Variants in ARHGAP21 observed in about 807,000 individuals in gnomAD.
ARHGAP21 encodes Rho GTPase activating protein 21, also known as rho GTPase-activating protein 21.
In ARHGAP21, 38 loss-of-function variants were observed where a neutral mutation model predicts 164.6. The ratio of observed to expected loss-of-function variants is 0.23; its 90% CI spans 0.18 to 0.30. The LOEUF (loss-of-function observed/expected upper bound fraction) is 0.30, where lower values mean the gene tolerates loss of function less well. Among genes scored for constraint, ARHGAP21 ranks in the 10% least tolerant of loss-of-function variants. ARHGAP21 has a pLI of 1.00. For synonymous variants in ARHGAP21, 766 were observed against 857.9 expected (o/e 0.89, Z 1.87); for missense variants, 1,822 against 2,370.7 (o/e 0.77, Z 4.81).
intron 2 of ARHGAP21, 36 bp downstream of exon 2, chr10:24,721,801 C>G (rs746639378): frequency 6.2e-7 from 1 of 1,611,194 alleles, no homozygotes; most frequent in East Asian, 2.2e-5. Flanking sequence ...CACAGGCCAC[C>G]GCCCTGCCGG....
chr10:24,670,252 T>C lies in ARHGAP21; in HGVS notation c.209A>G (p.Tyr70Cys). Reference protein sequence around the residue: ...FGFTLRHFIVYPPESAIQFSY... With the variant: ...FGFTLRHFIVCPPESAIQFSY... ...AAATTGAATTGCAGACTCTGGGGGA[T>C]AAACAATAAAATGTCTTAATGTAAA... The change falls in exon 3 of 26, where the codon TAT becomes TGT. Residue 70 changes from tyrosine to cysteine, a missense_variant. Tyr to Cys is a radical substitution (Grantham distance 194). This residue lies in a region of ARHGAP21 where 1,090 missense variants were observed against 1,378.9 expected (regional missense o/e 0.79). Transcript: ENST00000396432. 1.2e-6 allele frequency: 2 copies of C among 1,601,602 alleles called. No individual in the cohort carries two copies. Among genetic ancestry groups the C allele is most frequent in the African/African-American group, 1.3e-5 (1 of 74,714 alleles).
chr10:24,642,841 A>G (rs1170996753), intron 4 of ARHGAP21, among the ~76,000 whole-genome samples: 1 of 152,216 alleles, frequency 6.6e-6, no homozygotes, highest in Non-Finnish European at 1.5e-5. Flanking sequence ...GAGAATATAC[A>G]GGACATGAAA....
chr10:24,648,313 C>A (rs1312935467), intron 4 of ARHGAP21, among the ~76,000 whole-genome samples: 1 of 152,202 alleles, frequency 6.6e-6, no homozygotes, highest in African/African-American at 2.4e-5. Flanking sequence ...GTAGAATTTT[C>A]CAGTAGAGAA....
intron 9 of ARHGAP21, among the ~76,000 whole-genome samples, chr10:24,609,304 TC>T (rs1208742282): frequency 6.6e-6 from 1 of 152,234 alleles, no homozygotes; most frequent in Non-Finnish European, 1.5e-5. Flanking sequence ...TCCCTGGATT[TC>T]CTGATGGTAT....
intron 12 of ARHGAP21, among the ~76,000 whole-genome samples, chr10:24,603,377 G>C (rs2076893878): frequency 6.6e-6 from 1 of 152,206 alleles, no homozygotes; most frequent in African/African-American, 2.4e-5. Context: ...TTTGGAACCT[G>C]AATGTCAGTG....
intron 2 of ARHGAP21, among the ~76,000 whole-genome samples, chr10:24,688,463 G>A (rs1842420110): frequency 6.6e-6 from 1 of 152,134 alleles, no homozygotes; most frequent in African/African-American, 2.4e-5. Context: ...GAGGTTAAAT[G>A]ATTTGCCAAA....
rs2076940648 is a variant in ARHGAP21, at chr10:24,604,387, C to A, written c.2685-39G>T. On this transcript the variant is annotated intron_variant, in intron 11 of 25. Transcript: ENST00000396432. ...AATATATAAATATTTTCAATTAGTG[C>A]AAAAAAAATCTTAAAGATGTAAGAA... The A allele has an allele frequency of 5.0e-6, 7 of 1,387,788 alleles. No homozygotes were observed. In the African/African-American group the frequency reaches 7.3e-5, roughly 15 times the overall value. 86.0% of individuals were successfully genotyped at this position (1,387,788 alleles called of 1,614,324 possible).
intron 2 of ARHGAP21, among the ~76,000 whole-genome samples, chr10:24,709,770 CACA>C (rs144410501): frequency 1.3e-4 from 20 of 148,638 alleles, no homozygotes; most frequent in East Asian, 4.0e-4. Context: ...CAGACAAGGA[CACA>C]ACAACAACAA....
intron 2 of ARHGAP21, among the ~76,000 whole-genome samples, chr10:24,714,534 G>A (rs1845166388): frequency 6.6e-6 from 1 of 152,108 alleles, no homozygotes; most frequent in Non-Finnish European, 1.5e-5. Context: ...GATCCCTGCT[G>A]CTGCTACTGC....
intron 7 of ARHGAP21, among the ~76,000 whole-genome samples, chr10:24,624,854 A>G (rs1442676036): frequency 6.6e-6 from 1 of 152,100 alleles, no homozygotes; most frequent in East Asian, 1.9e-4. Flanking sequence ...TGTGAATTCA[A>G]CAGAATATGA....
At chr10:24,679,830 C>T (rs531310613) in intron 2 of ARHGAP21, among the ~76,000 whole-genome samples, 3 of 152,216 alleles carry the variant, frequency 2.0e-5, no homozygotes, top group Admixed American at 1.3e-4. Flanking sequence ...ATGTGCACAA[C>T]GTGCAGGTTT....
Position 24,620,595 on chromosome 10 carries a change from T to C in ARHGAP21, c.1300A>G (p.Thr434Ala). 3 of 1,614,228 alleles carry C rather than the reference T, an allele frequency of 1.9e-6. No individual in the cohort carries two copies. The highest frequency in any genetic ancestry group is 2.2e-5 in the South Asian group (2 of 91,084). ...DYNQVVPNRT[T>A]LQGRRRSTSH... ...GTGCTTCGACGTCGTCCCTGCAAAGTAGTGCGGTTGGGGACGACCTGGTTA... is the reference window on the plus strand; with the variant it reads ...GTGCTTCGACGTCGTCCCTGCAAAGCAGTGCGGTTGGGGACGACCTGGTTA... Residue 434 changes from threonine (T) to alanine (A), a missense_variant, in exon 9 of 26, where the codon ACT becomes GCT. By Grantham distance (58) the Thr-to-Ala change is moderately conservative. This residue lies in a region of ARHGAP21 where 1,090 missense variants were observed against 1,378.9 expected (regional missense o/e 0.79). Transcript: ENST00000396432.
At chr10:24,671,524 T>G (rs1304819677) in intron 2 of ARHGAP21, among the ~76,000 whole-genome samples, 1 of 152,070 alleles carries the variant, frequency 6.6e-6, no homozygotes, top group Non-Finnish European at 1.5e-5. Context: ...TTCCCCTGCC[T>G]TCCCTTCTGC....
chr10:24,584,813 C>A lies in ARHGAP21; in HGVS notation c.5476G>T (p.Gly1826Trp), dbSNP rs370251256. 9.3e-6 allele frequency: 15 copies of A among 1,613,826 alleles called. No individual in the cohort carries two copies. The Admixed American group carries it at 1.3e-4, about 14-fold the overall frequency. The change falls in exon 26 of 26, where the codon GGG (glycine) becomes TGG (tryptophan). Residue 1826 changes from glycine (G) to tryptophan (W), a missense_variant. By Grantham distance (184) the Gly-to-Trp change is radical (BLOSUM62 -2). Around this residue, in one of 5 missense-constraint regions of ARHGAP21, gnomAD observed 165 missense variants for 176.6 expected, o/e 0.93. Coordinates refer to ENST00000396432, the MANE Select transcript of ARHGAP21 (RefSeq NM_020824.4). ...LNFWKVHEQS[G>W]ERESELSAVN... ...GCTGAAAGTTCAGATTCTCTCTCCCCGCTCTGCTCATGCACTTTCCAAAAA... is the reference window on the plus strand; with the variant it reads ...GCTGAAAGTTCAGATTCTCTCTCCCAGCTCTGCTCATGCACTTTCCAAAAA...
At chr10:24,665,490 T>C (rs937941300) in intron 4 of ARHGAP21, among the ~76,000 whole-genome samples, 1 of 152,262 alleles carries the variant, frequency 6.6e-6, no homozygotes, top group Admixed American at 6.5e-5. Context: ...TCAAAAATAT[T>C]ATGCCTGACA....
chr10:24,655,672 C>A (rs1421685032), intron 4 of ARHGAP21, among the ~76,000 whole-genome samples: 13 of 144,132 alleles, frequency 9.0e-5, no homozygotes, highest in Admixed American at 4.1e-4. Context: ...TGCCTGGCCG[C>A]CCATCGTCTG....
intron 5 of ARHGAP21, among the ~76,000 whole-genome samples, chr10:24,634,281 T>G (rs1836154755): frequency 6.6e-6 from 1 of 152,160 alleles, no homozygotes; most frequent in South Asian, 2.1e-4. Context: ...AGTACATCCT[T>G]ATAAATCTTA....
chr10:24,702,194 G>A (rs1368586159), intron 2 of ARHGAP21, among the ~76,000 whole-genome samples: 3 of 145,298 alleles, frequency 2.1e-5, no homozygotes, highest in South Asian at 2.2e-4. Context: ...GCAGTGGCGC[G>A]ATCTCGGCTC....
intron 22 of ARHGAP21, 70 bp downstream of exon 22, chr10:24,591,817 G>T: frequency 6.3e-7 from 1 of 1,590,956 alleles, no homozygotes; most frequent in Non-Finnish European, 8.5e-7. Flanking sequence ...ACCAAATAGC[G>T]GCTGCCCGTG....
Sources: gnomAD v4.1 joint callset for allele counts (sites outside exome capture counted in the v4.1 genomes callset) on GRCh38, gnomAD v4.1.1 for gene constraint, gnomAD v4.1.1 regional missense constraint, MANE v1.5 for transcripts, NCBI Gene and HGNC (gene_info 2026-07-23, HGNC 2026-07-21) for gene names.